The following CLVS1 variants were observed in gnomAD, a reference collection of about 807,000 sequenced individuals.
CLVS1 encodes the protein clavesin-1.
CLVS1 carries 10 observed loss-of-function variants against 33.1 expected under a neutral mutation model. The observed-to-expected ratio is 0.30, with a 90% confidence interval of 0.19 to 0.51. The LOEUF (loss-of-function observed/expected upper bound fraction) is 0.51. CLVS1 is among the 20% of genes least tolerant of loss of function. The probability of loss-of-function intolerance (pLI) is 0.97; values close to 1 mark genes in which losing one functional copy is unlikely to be tolerated. For synonymous variants in CLVS1, 163 were observed against 166.1 expected (o/e 0.98, Z 0.14); for missense variants, 343 against 433.4 (o/e 0.79, Z 1.85).
intron 1 of CLVS1, among the ~76,000 whole-genome samples, chr8:61,088,145 T>C (rs1266531223): frequency 6.6e-6 from 1 of 152,228 alleles, no homozygotes; most frequent in Non-Finnish European, 1.5e-5. Context: ...CATGCAGATA[T>C]ATTTGTTTGT....
chr8:60,966,222 C>T, the CLVS1 span: 3 of 363,660 alleles, frequency 8.2e-6, no homozygotes, highest in African/African-American at 6.3e-5. Context: ...CAAGTGGTAC[C>T]CTAACTAGCG....
At chr8:61,240,566 A>AT (rs1808677065) in intron 2 of CLVS1, among the ~76,000 whole-genome samples, 1 of 152,236 alleles carries the variant, frequency 6.6e-6, no homozygotes, top group Non-Finnish European at 1.5e-5. Flanking sequence ...CAGTAAAGGC[A>AT]AGATCTTTGT....
At chr8:61,495,896 A>G (rs189447911) in intron 5 of CLVS1, among the ~76,000 whole-genome samples, 42 of 152,336 alleles carry the variant, frequency 2.8e-4, no homozygotes, top group Admixed American at 2.4e-3. Context: ...CAGTTTTAGA[A>G]ACCTTGGCAC....
intron 2 of CLVS1, among the ~76,000 whole-genome samples, chr8:61,168,835 A>T (rs1806933297): frequency 6.6e-6 from 1 of 152,204 alleles, no homozygotes; most frequent in African/African-American, 2.4e-5. Context: ...GCTACTGCAT[A>T]CCCTGCTCCA....
chr8:61,463,783 T>C (rs1586010718), intron 5 of CLVS1, among the ~76,000 whole-genome samples: 1 of 152,128 alleles, frequency 6.6e-6, no homozygotes, highest in Non-Finnish European at 1.5e-5. Flanking sequence ...ATAAAAAGTT[T>C]GGGCCGGGTG....
chr8:61,152,348 A>C (rs1050723001), intron 2 of CLVS1, among the ~76,000 whole-genome samples: 1 of 152,134 alleles, frequency 6.6e-6, no homozygotes, highest in African/African-American at 2.4e-5. Context: ...TCTGAACCTA[A>C]CTACCTCCTG....
chr8:61,343,293 G>C (rs2129598340), intron 2 of CLVS1, among the ~76,000 whole-genome samples: 1 of 152,292 alleles, frequency 6.6e-6, no homozygotes, highest in African/African-American at 2.4e-5. Context: ...TGAAGTTCTA[G>C]CTAAGTATTA....
chr8:61,083,983 C>T (rs1299850139), intron 1 of CLVS1, among the ~76,000 whole-genome samples: 1 of 152,070 alleles, frequency 6.6e-6, no homozygotes, highest in Non-Finnish European at 1.5e-5. Flanking sequence ...CTGGGAAGAA[C>T]AAATTACTAA....
intron 2 of CLVS1, among the ~76,000 whole-genome samples, chr8:61,344,437 G>A (rs1366341649): frequency 6.6e-6 from 1 of 152,152 alleles, no homozygotes; most frequent in Non-Finnish European, 1.5e-5. Context: ...AGAGAACAAT[G>A]CAAGATTAAT....
intron 3 of CLVS1, among the ~76,000 whole-genome samples, chr8:61,431,276 T>G (rs1816102808): frequency 6.6e-6 from 1 of 152,326 alleles, no homozygotes; most frequent in South Asian, 2.1e-4. Context: ...TGGGAAACAA[T>G]GTATTAAACA....
chr8:61,201,377 C>T (rs1807729017), intron 2 of CLVS1, among the ~76,000 whole-genome samples: 1 of 152,144 alleles, frequency 6.6e-6, no homozygotes, highest in African/African-American at 2.4e-5. Context: ...TTTCCCGAAG[C>T]TTCTGAGCAA....
intron 1 of CLVS1, among the ~76,000 whole-genome samples, chr8:61,066,766 T>G (rs1412390726): frequency 1.3e-5 from 2 of 152,166 alleles, no homozygotes; most frequent in Non-Finnish European, 2.9e-5. Flanking sequence ...ATGAAAAATG[T>G]CAATGACACA....
chr8:61,423,187 C>T (rs2129604721), intron 3 of CLVS1, among the ~76,000 whole-genome samples: 1 of 152,290 alleles, frequency 6.6e-6, no homozygotes, highest in South Asian at 2.1e-4. Flanking sequence ...CCCACCTCAA[C>T]CCCTGGGCTT....
chr8:61,315,634 G>A (rs143668089), intron 2 of CLVS1, among the ~76,000 whole-genome samples: 54 of 152,268 alleles, frequency 3.5e-4, no homozygotes, highest in African/African-American at 1.3e-3. Flanking sequence ...CATCATAGTG[G>A]GGGAGGGAAA....
At chr8:61,290,640 T>C (rs1179139666) in intron 1 of CLVS1, among the ~76,000 whole-genome samples, 1 of 152,220 alleles carries the variant, frequency 6.6e-6, no homozygotes, top group East Asian at 1.9e-4. Context: ...TATTCACAAC[T>C]TGACGTACTC....
intron 1 of CLVS1, among the ~76,000 whole-genome samples, chr8:61,088,542 A>G (rs1290923196): frequency 6.6e-6 from 1 of 151,570 alleles, no homozygotes; most frequent in African/African-American, 2.4e-5. Context: ...GTTAATAGAT[A>G]CTTGGATTAC....
At chr8:61,049,735 T>A in the CLVS1 span, among the ~76,000 whole-genome samples, 1 of 152,128 alleles carries the variant, frequency 6.6e-6, no homozygotes, top group African/African-American at 2.4e-5. Flanking sequence ...CTAGGAAAAA[T>A]GTAAAAATAA....
intron 2 of CLVS1, among the ~76,000 whole-genome samples, chr8:61,153,102 C>T (rs572520915): frequency 3.3e-5 from 5 of 152,008 alleles, no homozygotes; most frequent in East Asian, 3.9e-4. Context: ...GGTAACAGAG[C>T]GAGACCCTGT....
At chr8:60,982,233 A>G in the CLVS1 span, among the ~76,000 whole-genome samples, 1 of 152,220 alleles carries the variant, frequency 6.6e-6, no homozygotes, top group Non-Finnish European at 1.5e-5. Flanking sequence ...GCACTGATTG[A>G]ACATTATGTT....
Sources: allele counts gnomAD v4.1 joint callset (sites outside exome capture counted in the v4.1 genomes callset), GRCh38; gene constraint gnomAD v4.1.1; transcripts MANE v1.5; gene names NCBI Gene and HGNC (gene_info 2026-07-23, HGNC 2026-07-21).